The following KPNA6 variants were observed in gnomAD, a reference collection of about 807,000 sequenced individuals.
KPNA6 encodes the protein importin subunit alpha-7.
Under a neutral mutation model 72.0 loss-of-function variants are expected in KPNA6, and 9 were observed. That is an observed-to-expected ratio of 0.13 (90% CI 0.08 to 0.22). The LOEUF is 0.22. KPNA6 is among the 10% of genes least tolerant of loss of function. The pLI, the probability that KPNA6 is intolerant of heterozygous loss-of-function variation, is 1.00. For synonymous variants in KPNA6, 219 were observed against 242.1 expected (o/e 0.90, Z 0.89); for missense variants, 374 against 655.7 (o/e 0.57, Z 4.69).
intron 5 of KPNA6, 95 bp from the exon 6 acceptor site, chr1:32,159,305 T>A: frequency 7.3e-7 from 1 of 1,364,318 alleles, no homozygotes; most frequent in African/African-American, 1.5e-5. Flanking sequence ...GTTTTTTAAA[T>A]TCATGGGCAG....
chr1:32,124,492 A>C lies in KPNA6; in HGVS notation c.4+16358A>C, dbSNP rs1389005180. 2.0e-5 allele frequency among the ~76,000 whole-genome samples: 3 copies of C among 149,420 alleles called. No homozygotes were observed. The East Asian group carries it at 6.1e-4, about 31-fold the overall frequency. ...GGAGTTCAAGACCAGCCTGGGCAACATAGTGAGGCCTCATCTTTTTTTTTT... is the reference window on the plus strand; with the variant it reads ...GGAGTTCAAGACCAGCCTGGGCAACCTAGTGAGGCCTCATCTTTTTTTTTT... On this transcript the variant is annotated intron_variant, in intron 1 of 13. Coordinates refer to ENST00000373625, the MANE Select transcript of KPNA6 (RefSeq NM_012316.5).
In KPNA6 at chr1:32,173,860, T is replaced by C. The variant is rs954352710; in HGVS notation, c.*2966T>C. On this transcript the variant is annotated 3_prime_UTR_variant, in exon 14 of 14. Coordinates refer to ENST00000373625, the MANE Select transcript of KPNA6 (RefSeq NM_012316.5). ...TCCTGGCATGTTGGCATATGGCTGG[T>C]CTATCCTTTTTAAGATCTCTGGTTG... 2 of 152,254 alleles carry C rather than the reference T, an allele frequency of 1.3e-5. No individual in the cohort carries two copies. The highest frequency in any genetic ancestry group is 2.4e-5 in the African/African-American group (1 of 41,432). The allele number at this position is 152,254 out of a possible 1,614,324, so 9.4% of individuals were successfully genotyped here.
At chr1:32,132,333 CTG>C (rs2124536327) in intron 1 of KPNA6, among the ~76,000 whole-genome samples, 1 of 152,294 alleles carries the variant, frequency 6.6e-6, no homozygotes, top group African/African-American at 2.4e-5. Context: ...GTATCTCACT[CTG>C]TTGCCCAGGC....
Position 32,170,893 on chromosome 1 carries a change from A to G in KPNA6, c.1610A>G (p.Ter537=), listed in dbSNP as rs1352506496. 1 of 1,613,842 alleles carries G rather than the reference A, an allele frequency of 6.2e-7. No homozygotes were observed. The highest frequency in any genetic ancestry group is 8.5e-7 in the Non-Finnish European group (1 of 1,179,874). ...GCCCCCATGGAGGGCTTCCAGCTAT[A>G]ATATCTGCCTCCAGGGAGGGGAGGG... The part of the protein sequence containing the change: ...PEAPMEGFQL[*] Residue 537 remains the stop codon, a stop_retained_variant, in exon 14 of 14, where the codon TAA becomes TGA. Coordinates refer to ENST00000373625, the MANE Select transcript of KPNA6 (RefSeq NM_012316.5).
intron 10 of KPNA6, 111 bp from the exon 11 acceptor site, chr1:32,165,994 T>C (rs1642327738): frequency 8.0e-7 from 1 of 1,245,548 alleles, no homozygotes; most frequent in Non-Finnish European, 1.1e-6. Context: ...CGAGACTCTG[T>C]CTCAAAAAAA....
In KPNA6 at chr1:32,119,023, TATA is replaced by T. The variant is rs1178962684; in HGVS notation, c.4+10890_4+10892del. ...ATATATATATATATATATATATATA[TATA>T]TATATATTTTTTTTTTTTTTTTTGA... On this transcript the variant is annotated intron_variant, in intron 1 of 13. Transcript: ENST00000373625. Among the ~76,000 whole-genome samples the T allele has an allele frequency of 7.9e-4, 68 of 85,572 alleles. 1 individual carries two copies. The highest frequency in any genetic ancestry group is 3.2e-3 in the African/African-American group (50 of 15,620). 56.1% of individuals were successfully genotyped at this position (85,572 alleles called of 152,430 possible). A position where few individuals can be genotyped will look rare whatever the true frequency, so the allele number is the denominator to read the frequency against.
Position 32,175,583 on chromosome 1 carries a change from G to T in KPNA6, c.*4689G>T. On this transcript the variant is annotated 3_prime_UTR_variant, in exon 14 of 14. Coordinates refer to ENST00000373625, the MANE Select transcript of KPNA6 (RefSeq NM_012316.5). ...GTGGATCACGAGGTCAGGAGTTTGA[G>T]ACCAGCCTGGCAACATAGTGAAACC... 1 of 149,178 alleles carries T rather than the reference G, an allele frequency of 6.7e-6. No individual in the cohort carries two copies. Among genetic ancestry groups the T allele is most frequent in the South Asian group, 2.1e-4 (1 of 4,710 alleles). The allele number at this position is 149,178 out of a possible 1,614,324, so 9.2% of individuals were successfully genotyped here.
At position 32,173,173 on chromosome 1, in the gene KPNA6, T is replaced by TAAA. The variant is rs60616241; in HGVS notation, c.*2298_*2300dup. 7.5e-3 allele frequency: 2,385 copies of TAAA among 316,898 alleles called. 15 individuals are homozygous for TAAA. Among genetic ancestry groups the TAAA allele is most frequent in the African/African-American group, 0.03 (981 of 32,492 alleles). The allele number at this position is 316,898 out of a possible 1,614,324, so 19.6% of individuals were successfully genotyped here. On this transcript the variant is annotated 3_prime_UTR_variant, in exon 14 of 14. Coordinates refer to ENST00000373625, the MANE Select transcript of KPNA6 (RefSeq NM_012316.5). ...ATTAAAAAACCATTCTCTTACAGTT[T>TAAA]AAAAAAAAAAAAAAAAAAAAAGCCT...
intron 2 of KPNA6, among the ~76,000 whole-genome samples, chr1:32,155,176 C>T (rs1427373721): frequency 1.3e-5 from 2 of 150,298 alleles, no homozygotes; most frequent in South Asian, 4.2e-4. Context: ...ATCCAGTTTC[C>T]TTTGTTGTAA....
At chr1:32,170,455 A>C (rs543569959) in intron 13 of KPNA6, among the ~76,000 whole-genome samples, 2 of 152,314 alleles carry the variant, frequency 1.3e-5, no homozygotes, top group East Asian at 3.9e-4. Context: ...TGATGTGCCC[A>C]GGTCATGCTT....
chr1:32,117,628 C>T (rs561059725), intron 1 of KPNA6, among the ~76,000 whole-genome samples: 2 of 152,116 alleles, frequency 1.3e-5, no homozygotes, highest in South Asian at 4.1e-4. Context: ...TGTCTCAAGA[C>T]AAAAACAATA....
intron 9 of KPNA6, among the ~76,000 whole-genome samples, chr1:32,162,860 T>C (rs1642264253): frequency 7.1e-6 from 1 of 140,840 alleles, no homozygotes; most frequent in South Asian, 2.2e-4. Context: ...ATCCCAGCAC[T>C]TTGGGAGGCT....
intron 2 of KPNA6, among the ~76,000 whole-genome samples, chr1:32,155,549 C>A (rs1253631546): frequency 1.3e-5 from 2 of 151,868 alleles, no homozygotes; most frequent in Non-Finnish European, 2.9e-5. Context: ...TCTCGAACTC[C>A]TGACCTTGTG....
intron 1 of KPNA6, among the ~76,000 whole-genome samples, chr1:32,144,753 C>T (rs1426368354): frequency 6.6e-6 from 1 of 151,900 alleles, no homozygotes; most frequent in East Asian, 1.9e-4. Context: ...CAGGTACAAG[C>T]AGTTCTCCTG....
chr1:32,119,136 T>C (rs1641388511), intron 1 of KPNA6, among the ~76,000 whole-genome samples: 1 of 149,774 alleles, frequency 6.7e-6, no homozygotes, highest in South Asian at 2.1e-4. Context: ...GTTCAAGCGA[T>C]TCTCCTGCTT....
At chr1:32,143,957 A>G (rs1039757501) in intron 1 of KPNA6, among the ~76,000 whole-genome samples, 1 of 152,240 alleles carries the variant, frequency 6.6e-6, no homozygotes, top group Non-Finnish European at 1.5e-5. Flanking sequence ...ATCCATATGC[A>G]GTAGTCCTTG....
At chr1:32,120,107 A>G (rs1641405978) in intron 1 of KPNA6, among the ~76,000 whole-genome samples, 1 of 152,152 alleles carries the variant, frequency 6.6e-6, no homozygotes, top group Admixed American at 6.6e-5. Context: ...AACATTAACA[A>G]AAGATATTTG....
In KPNA6 at chr1:32,173,938, G is replaced by A. The variant is rs1642483584; in HGVS notation, c.*3044G>A. The A allele has an allele frequency of 6.6e-6, 1 of 152,432 alleles. No homozygotes were observed. The highest frequency in any genetic ancestry group is 3.2e-3 in the Middle Eastern group (1 of 316). 9.4% of individuals were successfully genotyped at this position (152,432 alleles called of 1,614,324 possible). On this transcript the variant is annotated 3_prime_UTR_variant, in exon 14 of 14. Transcript: ENST00000373625. ...ACAAGGAGCCTTTTTCTTGGCTAAT[G>A]TTTTCCAATACTTTTTTGAATGGTG...
intron 2 of KPNA6, among the ~76,000 whole-genome samples, chr1:32,155,478 C>T (rs554957426): frequency 4.6e-4 from 70 of 151,822 alleles, no homozygotes; most frequent in Admixed American, 1.5e-3. Context: ...TGTACCACCA[C>T]GTCCAATTAA....
Sources: gnomAD v4.1 joint callset for allele counts (sites outside exome capture counted in the v4.1 genomes callset) on GRCh38, gnomAD v4.1.1 for gene constraint, MANE v1.5 for transcripts, NCBI Gene and HGNC (gene_info 2026-07-23, HGNC 2026-07-21) for gene names.